The following KCNIP4 variants were observed in gnomAD, a reference collection of about 807,000 sequenced individuals.
KCNIP4 encodes the protein Kv channel-interacting protein 4.
Under a neutral mutation model 34.0 loss-of-function variants are expected in KCNIP4, and 12 were observed. That is an observed-to-expected ratio of 0.35 (90% CI 0.23 to 0.57). KCNIP4 has a LOEUF of 0.57. Among genes scored for constraint, KCNIP4 ranks in the 20% least tolerant of loss-of-function variants. The probability of loss-of-function intolerance (pLI) is 0.83; values close to 1 mark genes in which losing one functional copy is unlikely to be tolerated. For missense variants in KCNIP4, 238 were observed against 311.7 expected (o/e 0.76, Z 1.78); for synonymous variants, 124 against 102.2 (o/e 1.21, Z -1.29).
intron 1 of KCNIP4, among the ~76,000 whole-genome samples, chr4:21,100,902 T>C (rs1747876301): frequency 8.4e-6 from 1 of 119,314 alleles, no homozygotes; most frequent in Admixed American, 8.3e-5. Context: ...AGGTATGTTG[T>C]TTTGTATGAT....
At chr4:21,111,726 G>C (rs1749186992) in intron 1 of KCNIP4, among the ~76,000 whole-genome samples, 1 of 152,156 alleles carries the variant, frequency 6.6e-6, no homozygotes, top group African/African-American at 2.4e-5. Flanking sequence ...GGTCAGGGGT[G>C]GCTCAGAGTG....
At chr4:21,113,973 C>T (rs1425678630) in intron 1 of KCNIP4, among the ~76,000 whole-genome samples, 1 of 152,130 alleles carries the variant, frequency 6.6e-6, no homozygotes, top group Non-Finnish European at 1.5e-5. Context: ...GATTTCTCTG[C>T]TTTTTCTTTT....
At chr4:21,867,845 T>G (rs1427247599) in intron 1 of KCNIP4, among the ~76,000 whole-genome samples, 1 of 152,204 alleles carries the variant, frequency 6.6e-6, no homozygotes, top group East Asian at 1.9e-4. Flanking sequence ...AGTGAGCCAA[T>G]AAAACAAAAG....
chr4:20,998,731 G>T (rs2149714836), intron 1 of KCNIP4, among the ~76,000 whole-genome samples: 1 of 152,342 alleles, frequency 6.6e-6, no homozygotes, highest in African/African-American at 2.4e-5. Context: ...CAGGGTCATA[G>T]ATCTGAATAA....
intron 1 of KCNIP4, among the ~76,000 whole-genome samples, chr4:21,057,120 T>C (rs183751749): frequency 3.3e-5 from 5 of 152,230 alleles, no homozygotes; most frequent in African/African-American, 4.8e-5. Flanking sequence ...GTGCCCAAAT[T>C]GTAAATGTAG....
intron 1 of KCNIP4, among the ~76,000 whole-genome samples, chr4:21,038,330 T>C (rs74745702): frequency 0.059 from 9,041 of 152,276 alleles, 838 homozygotes; most frequent in African/African-American, 0.2. Flanking sequence ...TATCACTAAA[T>C]TTAACCCAAA....
At chr4:21,410,289 G>A (rs974643434) in intron 1 of KCNIP4, among the ~76,000 whole-genome samples, 2 of 152,200 alleles carry the variant, frequency 1.3e-5, no homozygotes, top group African/African-American at 4.8e-5. Flanking sequence ...TTCTTTGACG[G>A]TCTTGCCTTG....
chr4:21,528,715 GAA>G (rs772790627), intron 1 of KCNIP4, among the ~76,000 whole-genome samples: 1 of 432 alleles, frequency 2.3e-3, no homozygotes, highest in Admixed American at 0.024. Context: ...AAGAAAGAAA[GAA>G]AGAAAGAAAG....
At chr4:21,288,972 C>T (rs970577815) in intron 1 of KCNIP4, among the ~76,000 whole-genome samples, 1 of 152,080 alleles carries the variant, frequency 6.6e-6, no homozygotes, top group African/African-American at 2.4e-5. Context: ...CTTATCCCCA[C>T]TTGTTAATAA....
At chr4:20,748,540 A>C (rs1043845078) in intron 5 of KCNIP4, among the ~76,000 whole-genome samples, 1 of 143,642 alleles carries the variant, frequency 7.0e-6, no homozygotes, top group Non-Finnish European at 1.5e-5. Context: ...ACTTCCAAAA[A>C]TAAATGCACC....
chr4:21,209,124 T>C (rs996379674), intron 1 of KCNIP4, among the ~76,000 whole-genome samples: 4 of 152,200 alleles, frequency 2.6e-5, no homozygotes, highest in Non-Finnish European at 5.9e-5. Flanking sequence ...ATATTTATTG[T>C]TGTTTTTTAA....
chr4:21,389,171 G>A (rs370063560), intron 1 of KCNIP4, among the ~76,000 whole-genome samples: 1 of 151,652 alleles, frequency 6.6e-6, no homozygotes, highest in Non-Finnish European at 1.5e-5. Flanking sequence ...ATAGAGATAG[G>A]GGTTTCACCG....
At chr4:21,431,372 GC>G (rs1242348689) in intron 1 of KCNIP4, among the ~76,000 whole-genome samples, 1 of 151,970 alleles carries the variant, frequency 6.6e-6, no homozygotes, top group Non-Finnish European at 1.5e-5. Flanking sequence ...GGCAAAAAGG[GC>G]ATAAGCAAAA....
intron 1 of KCNIP4, among the ~76,000 whole-genome samples, chr4:21,600,069 G>T (rs1345867032): frequency 6.6e-6 from 1 of 152,042 alleles, no homozygotes; most frequent in African/African-American, 2.4e-5. Context: ...GTTTCAAACT[G>T]CTTCTTTCTT....
At chr4:20,732,654 C>T (rs964718987) in intron 7 of KCNIP4, 27 bp downstream of exon 7, 11 of 1,434,570 alleles carry the variant, frequency 7.7e-6, no homozygotes, top group South Asian at 1.1e-5. Flanking sequence ...AACTTCATGC[C>T]CTCTTGACTT....
intron 1 of KCNIP4, among the ~76,000 whole-genome samples, chr4:20,949,863 T>C (rs1392169716): frequency 9.8e-5 from 2 of 20,440 alleles, no homozygotes; most frequent in African/African-American, 1.9e-4. Context: ...GGTTGGGGGG[T>C]GGGGGGAGGG....
At chr4:21,239,942 C>T (rs1165201527) in intron 1 of KCNIP4, among the ~76,000 whole-genome samples, 2 of 152,126 alleles carry the variant, frequency 1.3e-5, no homozygotes, top group African/African-American at 4.8e-5. Flanking sequence ...TATTGCAGCA[C>T]TATTCACAAT....
At chr4:21,358,571 A>G (rs1221507239) in intron 1 of KCNIP4, among the ~76,000 whole-genome samples, 1 of 152,150 alleles carries the variant, frequency 6.6e-6, no homozygotes, top group Non-Finnish European at 1.5e-5. Context: ...TGACTGAGCC[A>G]TAGGGTGACC....
intron 1 of KCNIP4, among the ~76,000 whole-genome samples, chr4:21,125,419 G>A (rs558966864): frequency 3.3e-5 from 5 of 152,018 alleles, no homozygotes; most frequent in Admixed American, 3.3e-4. Context: ...GTTTCACCAT[G>A]TTGGCCAGGC....
Sources: allele counts gnomAD v4.1 joint callset (sites outside exome capture counted in the v4.1 genomes callset), GRCh38; gene constraint gnomAD v4.1.1; transcripts MANE v1.5; gene names NCBI Gene and HGNC (gene_info 2026-07-23, HGNC 2026-07-21).